ZMYM4: variants seen among roughly 807,000 people sequenced by gnomAD.
The protein encoded by ZMYM4 is zinc finger MYM-type containing 4, also known as zinc finger MYM-type protein 4.
Under a neutral mutation model 183.2 loss-of-function variants are expected in ZMYM4, and 31 were observed. That is an observed-to-expected ratio of 0.17 (90% CI 0.13 to 0.23). The LOEUF (loss-of-function observed/expected upper bound fraction) is 0.23, where lower values mean the gene tolerates loss of function less well. Among genes scored for constraint, ZMYM4 ranks in the 10% least tolerant of loss-of-function variants. ZMYM4 has a pLI of 1.00. For synonymous variants in ZMYM4, 592 were observed against 631.2 expected (o/e 0.94, Z 0.93); for missense variants, 1,273 against 1,840.3 (o/e 0.69, Z 5.64).
At chr1:35,367,747 C>T (rs1267832665) in intron 5 of ZMYM4, among the ~76,000 whole-genome samples, 6 of 151,878 alleles carry the variant, frequency 4.0e-5, no homozygotes, top group South Asian at 2.1e-4. Flanking sequence ...GAGGTTGAGG[C>T]GGGTAGATAC....
At chr1:35,344,888 ATATAAGATGGGT>A (rs1315546937) in intron 2 of ZMYM4, among the ~76,000 whole-genome samples, 5 of 152,246 alleles carry the variant, frequency 3.3e-5, no homozygotes, top group Admixed American at 3.3e-4. Flanking sequence ...TAAAGAGTTC[ATATAAGATGGGT>A]TATTATTTCC....
intron 1 of ZMYM4, among the ~76,000 whole-genome samples, chr1:35,292,758 C>T (rs1177661112): frequency 6.6e-6 from 1 of 152,140 alleles, no homozygotes; most frequent in Non-Finnish European, 1.5e-5. Context: ...CCTCGGCCTC[C>T]CAAAGTGCTG....
chr1:35,281,647 C>T (rs973025188), intron 1 of ZMYM4, among the ~76,000 whole-genome samples: 5 of 111,652 alleles, frequency 4.5e-5, no homozygotes, highest in Non-Finnish European at 8.9e-5. Flanking sequence ...TCTCAAAAAG[C>T]AAATCATATA....
intron 2 of ZMYM4, among the ~76,000 whole-genome samples, chr1:35,357,729 A>G (rs1256242688): frequency 6.6e-6 from 1 of 152,194 alleles, no homozygotes; most frequent in Non-Finnish European, 1.5e-5. Flanking sequence ...TTTTGATTTT[A>G]GAGATGCTAA....
At chr1:35,351,443 AGCTCAT>A (rs1643603163) in intron 2 of ZMYM4, 4 of 1,576,294 alleles carry the variant, frequency 2.5e-6, no homozygotes, top group Admixed American at 1.7e-5. Flanking sequence ...TGTATAAGAA[AGCTCAT>A]GCTGCTATAC....
intron 17 of ZMYM4, 44 bp from the exon 18 acceptor site, chr1:35,393,551 G>A: frequency 6.6e-7 from 1 of 1,521,668 alleles, no homozygotes; most frequent in Non-Finnish European, 8.8e-7. Context: ...ATTACAATGA[G>A]ATTTTTAAAA....
intron 1 of ZMYM4, among the ~76,000 whole-genome samples, chr1:35,278,809 A>G (rs1171209697): frequency 5.3e-5 from 8 of 152,220 alleles, no homozygotes; most frequent in Non-Finnish European, 2.9e-5. Context: ...TAAATTAGGT[A>G]AGAGTATGGA....
Position 35,375,393 on chromosome 1 carries a change from G to C in ZMYM4, c.1181+4766G>C, listed in dbSNP as rs1644313216. On this transcript the variant is annotated intron_variant, in intron 7 of 29. Transcript: ENST00000314607. ...TTGGATGTACCAAAAATATAAGGAA[G>C]CTAAATTCAAAGAAGGTAAAAGATT... Among the ~76,000 whole-genome samples, 3 of 152,326 alleles carry C rather than the reference G, an allele frequency of 2.0e-5. No homozygotes were observed. In the South Asian group the frequency reaches 6.2e-4, roughly 32 times the overall value.
intron 17 of ZMYM4, 60 bp from the exon 18 acceptor site, chr1:35,393,535 C>T: frequency 2.2e-6 from 3 of 1,391,584 alleles, no homozygotes; most frequent in East Asian, 2.6e-5. Flanking sequence ...TATAATATTT[C>T]TTATAATTAC....
chr1:35,310,258 TCTTA>T (rs1186733035), intron 1 of ZMYM4: 1 of 181,660 alleles, frequency 5.5e-6, no homozygotes, highest in Non-Finnish European at 1.1e-5. Context: ...TCTTTGAATG[TCTTA>T]CTTTTATTAT....
intron 1 of ZMYM4, among the ~76,000 whole-genome samples, chr1:35,311,841 A>G (rs983330144): frequency 3.3e-5 from 5 of 152,148 alleles, no homozygotes; most frequent in Non-Finnish European, 4.4e-5. Flanking sequence ...TCAATTTTCT[A>G]CATTTTCTTC....
intron 2 of ZMYM4, among the ~76,000 whole-genome samples, chr1:35,334,843 T>A (rs1642904974): frequency 6.6e-6 from 1 of 152,226 alleles, no homozygotes; most frequent in Admixed American, 6.5e-5. Flanking sequence ...ATAAATGTTT[T>A]TGACACTTAA....
intron 1 of ZMYM4, among the ~76,000 whole-genome samples, chr1:35,282,631 G>T (rs974311931): frequency 6.6e-6 from 1 of 152,074 alleles, no homozygotes; most frequent in African/African-American, 2.4e-5. Context: ...TCATGGGTCA[G>T]TGCAGCCTCT....
intron 7 of ZMYM4, among the ~76,000 whole-genome samples, chr1:35,372,688 G>A (rs1644240860): frequency 6.6e-6 from 1 of 151,716 alleles, no homozygotes; most frequent in Non-Finnish European, 1.5e-5. Context: ...TTTTTAAAAA[G>A]GTTTTGGGAT....
chr1:35,377,267 A>G (rs548710879), intron 7 of ZMYM4, among the ~76,000 whole-genome samples: 1 of 152,306 alleles, frequency 6.6e-6, no homozygotes, highest in Non-Finnish European at 1.5e-5. Flanking sequence ...GTAACTACTC[A>G]CTAAATATCC....
intron 1 of ZMYM4, among the ~76,000 whole-genome samples, chr1:35,269,327 C>A (rs977037649): frequency 2.0e-5 from 3 of 152,058 alleles, no homozygotes; most frequent in Non-Finnish European, 2.9e-5. Flanking sequence ...CTCCCCCCGA[C>A]GTTCCCCAGC....
rs774154601 is a variant in ZMYM4 at position 35,399,089 on chromosome 1, G to T, written c.3433+46G>T. 3 of 1,583,404 alleles carry T rather than the reference G, an allele frequency of 1.9e-6. No individual in the cohort carries two copies. The African/African-American group carries it at 4.0e-5, about 21-fold the overall frequency. ...CCACTGAAAGCTTTTTATTTTAAAA[G>T]ATCGGTACAACTCTGAATTGACACT... On this transcript the variant is annotated intron_variant, in intron 22 of 29. Coordinates refer to ENST00000314607, the MANE Select transcript of ZMYM4 (RefSeq NM_005095.3).
chr1:35,415,667 C>T lies in ZMYM4; in HGVS notation c.4262C>T (p.Thr1421Ile). Residue 1421 changes from threonine (T) to isoleucine (I), a missense_variant, in exon 28 of 30, where the codon ACA (threonine) becomes ATA (isoleucine). Thr to Ile is a moderately conservative substitution (Grantham distance 89). Around this residue, in one of 6 missense-constraint regions of ZMYM4, gnomAD observed 145 missense variants for 331.6 expected, o/e 0.44. Coordinates refer to ENST00000314607, the MANE Select transcript of ZMYM4 (RefSeq NM_005095.3). Reference protein sequence around the residue: ...TRTLKYSTKMTYLRFFPPLQK... With the variant: ...TRTLKYSTKMIYLRFFPPLQK... ...ACTCTGAAGTACAGTACCAAGATGA[C>T]ATATCTGAGGTTCTTCCCACCTTTA... 6.2e-7 allele frequency: 1 copy of T among 1,614,054 alleles called. No individual in the cohort carries two copies. Among genetic ancestry groups the T allele is most frequent in the Non-Finnish European group, 8.5e-7 (1 of 1,180,032 alleles).
At chr1:35,293,626 T>C (rs1255284219) in intron 1 of ZMYM4, among the ~76,000 whole-genome samples, 3 of 152,148 alleles carry the variant, frequency 2.0e-5, no homozygotes, top group African/African-American at 2.4e-5. Flanking sequence ...TGTGGGTTTT[T>C]CTTTTTTAAT....
Sources: allele counts gnomAD v4.1 joint callset (sites outside exome capture counted in the v4.1 genomes callset), GRCh38; gene constraint gnomAD v4.1.1; regional missense constraint gnomAD v4.1.1; transcripts MANE v1.5; gene names NCBI Gene and HGNC (gene_info 2026-07-23, HGNC 2026-07-21).